Variants in DCTN4 observed in about 807,000 individuals in gnomAD.
DCTN4 encodes dynactin 4 (p62).
DCTN4 carries 23 observed loss-of-function variants against 62.7 expected under a neutral mutation model. The observed-to-expected ratio is 0.37, with a 90% CI of 0.26 to 0.52. The LOEUF is 0.52. Among genes scored for constraint, DCTN4 ranks in the 20% least tolerant of loss-of-function variants. The probability of loss-of-function intolerance (pLI) is 0.92; values close to 1 mark genes in which losing one functional copy is unlikely to be tolerated. For missense variants in DCTN4, 514 were observed against 580.4 expected (o/e 0.89, Z 1.18); for synonymous variants, 199 against 202.1 (o/e 0.98, Z 0.13).
intron 1 of DCTN4, 58 bp from the exon 2 acceptor site, chr5:150,756,545 A>C (rs1752871503): frequency 4.5e-6 from 5 of 1,100,898 alleles, no homozygotes; most frequent in Non-Finnish European, 6.6e-6. Context: ...TAACTTGTGT[A>C]TATGTCTTGT....
chr5:150,717,515 T>C (rs1759809540), intron 11 of DCTN4, among the ~76,000 whole-genome samples: 1 of 152,208 alleles, frequency 6.6e-6, no homozygotes, highest in African/African-American at 2.4e-5. Context: ...CCCAAAGTGC[T>C]AGGATTACAG....
intron 4 of DCTN4, among the ~76,000 whole-genome samples, chr5:150,739,834 A>C (rs1760708572): frequency 6.6e-6 from 1 of 152,204 alleles, no homozygotes; most frequent in South Asian, 2.1e-4. Context: ...GGGAAAGGAC[A>C]TCCTATTCAA....
In DCTN4 at chr5:150,750,066, G is replaced by A. The variant is rs142143922; in HGVS notation, c.385+3413C>T. Among the ~76,000 whole-genome samples, 10 of 152,252 alleles carry A rather than the reference G, an allele frequency of 6.6e-5. No individual in the cohort carries two copies. In the East Asian group the frequency reaches 1.2e-3, roughly 18 times the overall value. On this transcript the variant is annotated intron_variant, in intron 3 of 12. Coordinates refer to ENST00000447998, the MANE Select transcript of DCTN4 (RefSeq NM_016221.4). ...AAGCATATCAGTCTAGTCAGGGGCC[G>A]GGAGGTTGGGGGAAGAAACTGACTG... is the stretch of plus-strand genomic sequence containing the variant.
rs756703919 is a variant in DCTN4 at position 150,758,973 on chromosome 5, C to A, written c.21G>T (p.Ser7=). MASLLQ[S]DRVLYLVQGE... Reference sequence around the variant, plus strand: ...CCTGGACTAGATAGAGAACCCGGTCCGACTGCAGCAAGGACGCCATCTTGG... The same window carrying A: ...CCTGGACTAGATAGAGAACCCGGTCAGACTGCAGCAAGGACGCCATCTTGG... The change falls in exon 1 of 13, where the codon TCG becomes TCT. Residue 7 remains serine, a synonymous_variant. Coordinates refer to ENST00000447998, the MANE Select transcript of DCTN4 (RefSeq NM_016221.4). 4.3e-6 allele frequency: 7 copies of A among 1,614,076 alleles called. 1 individual carries two copies. Among genetic ancestry groups the A allele is most frequent in the Non-Finnish European group, 5.9e-6 (7 of 1,179,956 alleles).
At chr5:150,719,196 A>T (rs1051140315) in intron 10 of DCTN4, among the ~76,000 whole-genome samples, 1 of 152,220 alleles carries the variant, frequency 6.6e-6, no homozygotes, top group East Asian at 1.9e-4. Flanking sequence ...AAGCAAAACA[A>T]ATCTTTCAAA....
chr5:150,738,263 T>C (rs1760650228), intron 4 of DCTN4, among the ~76,000 whole-genome samples: 1 of 152,230 alleles, frequency 6.6e-6, no homozygotes, highest in Non-Finnish European at 1.5e-5. Context: ...TAAATCATTC[T>C]ATGAATCCAG....
rs540944303 is a variant in DCTN4 at position 150,717,342 on chromosome 5, C to T, written c.1071+934G>A. On this transcript the variant is annotated intron_variant, in intron 11 of 12. Coordinates refer to ENST00000447998, the MANE Select transcript of DCTN4 (RefSeq NM_016221.4). ...TCAGCTCACTGCAATCACTGTCTCC[C>T]GGGTTCAAGTGATTCTCCCATCTCA... 7.9e-5 allele frequency among the ~76,000 whole-genome samples: 12 copies of T among 152,280 alleles called. No homozygotes were observed. In the East Asian group the frequency reaches 1.9e-3, roughly 24 times the overall value.
chr5:150,714,600 A>C (rs1759689608), intron 12 of DCTN4, among the ~76,000 whole-genome samples: 1 of 151,772 alleles, frequency 6.6e-6, no homozygotes, highest in Non-Finnish European at 1.5e-5. Flanking sequence ...CTGGTTTCAA[A>C]CTCCTGTGAA....
intron 8 of DCTN4, among the ~76,000 whole-genome samples, chr5:150,730,310 G>A (rs1292968427): frequency 6.6e-6 from 1 of 151,438 alleles, no homozygotes; most frequent in East Asian, 1.9e-4. Context: ...TTTTTTATTG[G>A]TCCTCCCTGA....
chr5:150,756,503 A>G lies in DCTN4; in HGVS notation c.136-16T>C, dbSNP rs760771745. On this transcript the variant is annotated splice_polypyrimidine_tract_variant and intron_variant, in intron 1 of 12. Coordinates refer to ENST00000447998, the MANE Select transcript of DCTN4 (RefSeq NM_016221.4). ...GGGAGTCCACCTAGGAGGAAACAAG[A>G]AAGAAAAAAAAAACCAGAGGAGAAC... 3 of 1,545,854 alleles carry G rather than the reference A, an allele frequency of 1.9e-6. No individual in the cohort carries two copies. The highest frequency in any genetic ancestry group is 2.6e-6 in the Non-Finnish European group (3 of 1,139,988).
chr5:150,723,011 G>T, intron 8 of DCTN4, 31 bp from the exon 9 acceptor site: 1 of 1,481,496 alleles, frequency 6.7e-7, no homozygotes, highest in Non-Finnish European at 9.4e-7. Context: ...ACACGTATCA[G>T]AAGACAACAA....
At chr5:150,725,854 G>C (rs964517326) in intron 8 of DCTN4, among the ~76,000 whole-genome samples, 1 of 152,096 alleles carries the variant, frequency 6.6e-6, no homozygotes, top group Non-Finnish European at 1.5e-5. Flanking sequence ...GGGTGCCCCA[G>C]GTCTCTCCAA....
chr5:150,744,271 C>T (rs1307278338), intron 3 of DCTN4, among the ~76,000 whole-genome samples: 1 of 151,940 alleles, frequency 6.6e-6, no homozygotes, highest in African/African-American at 2.4e-5. Flanking sequence ...ACAAAGCCTC[C>T]AAGAAATATG....
chr5:150,721,801 C>T (rs1003007892), intron 9 of DCTN4, among the ~76,000 whole-genome samples: 1 of 152,074 alleles, frequency 6.6e-6, no homozygotes, highest in Non-Finnish European at 1.5e-5. Flanking sequence ...TGTCTCAGGA[C>T]TTTGTTGCTA....
At chr5:150,728,625 T>C (rs1387958430) in intron 8 of DCTN4, among the ~76,000 whole-genome samples, 1 of 152,142 alleles carries the variant, frequency 6.6e-6, no homozygotes, top group East Asian at 1.9e-4. Flanking sequence ...AATTGAATCT[T>C]TTTTTTAAAC....
At position 150,741,328 on chromosome 5, in the gene DCTN4, T is replaced by C. The variant is rs183551555; in HGVS notation, c.429+786A>G. ...CTTACTCAGAGAAACAAATATATTA[T>C]ATTTTGCATATATTTTAAAATACTT... On this transcript the variant is annotated intron_variant, in intron 4 of 12. Transcript: ENST00000447998. Among the ~76,000 whole-genome samples the C allele has an allele frequency of 9.8e-5, 15 of 152,340 alleles. No individual in the cohort carries two copies. The East Asian group carries it at 2.3e-3, about 23-fold the overall frequency.
chr5:150,718,505 A>C (rs112529430), intron 10 of DCTN4, 122 bp from the exon 11 acceptor site: 7 of 651,376 alleles, frequency 1.1e-5, no homozygotes, highest in African/African-American at 5.4e-5. Flanking sequence ...TTATACCTCT[A>C]CATCACTGTA....
At chr5:150,719,612 G>T in intron 10 of DCTN4, 104 bp downstream of exon 10, 1 of 790,702 alleles carries the variant, frequency 1.3e-6, no homozygotes, top group East Asian at 2.6e-5. Context: ...TCTATCCCTT[G>T]CTCACTGGAT....
At chr5:150,743,635 C>A (rs923589851) in intron 3 of DCTN4, among the ~76,000 whole-genome samples, 3 of 152,164 alleles carry the variant, frequency 2.0e-5, no homozygotes, top group African/African-American at 7.2e-5. Flanking sequence ...GCAGCATTCG[C>A]GATTCACGAA....
Sources: allele counts gnomAD v4.1 joint callset (sites outside exome capture counted in the v4.1 genomes callset), GRCh38; gene constraint gnomAD v4.1.1; transcripts MANE v1.5; gene names NCBI Gene and HGNC (gene_info 2026-07-23, HGNC 2026-07-21).